Variants in SEMA6D observed in about 807,000 individuals in gnomAD.
SEMA6D encodes semaphorin-6D.
In SEMA6D, 35 loss-of-function variants were observed where a neutral mutation model predicts 106.6. The ratio of observed to expected loss-of-function variants is 0.33; its 90% CI spans 0.25 to 0.44. The LOEUF (loss-of-function observed/expected upper bound fraction) is 0.44. SEMA6D is among the 20% of genes least tolerant of loss of function. The pLI, the probability that SEMA6D is intolerant of heterozygous loss-of-function variation, is 1.00. For synonymous variants in SEMA6D, 499 were observed against 487.7 expected, an observed-to-expected ratio of 1.02 and a Z score of -0.31; for missense variants, 1,185 against 1,345.9, an observed-to-expected ratio of 0.88 and a Z score of 1.87.
intron 1 of SEMA6D, among the ~76,000 whole-genome samples, chr15:47,340,063 C>T (rs1353665873): frequency 1.3e-5 from 2 of 152,074 alleles, no homozygotes; most frequent in Non-Finnish European, 2.9e-5. Context: ...AAGTGGTTAT[C>T]TGCAGGGAAA....
At chr15:47,277,517 C>T (rs1009867319) in intron 1 of SEMA6D, among the ~76,000 whole-genome samples, 4 of 151,708 alleles carry the variant, frequency 2.6e-5, no homozygotes, top group African/African-American at 7.3e-5. Flanking sequence ...GACTGTGACT[C>T]AGTGCAGACT....
At chr15:47,634,153 G>C (rs1326922060) in intron 4 of SEMA6D, among the ~76,000 whole-genome samples, 2 of 151,994 alleles carry the variant, frequency 1.3e-5, no homozygotes, top group Non-Finnish European at 2.9e-5. Flanking sequence ...TTTTATGAAG[G>C]CTAGATCGGT....
Position 47,638,927 on chromosome 15 carries a change from G to A in SEMA6D, c.-55+38031G>A, listed in dbSNP as rs186268819. On this transcript the variant is annotated intron_variant, in intron 4 of 19. Coordinates refer to the SEMA6D transcript ENST00000558014. ...TGTAGCACTTGGTCTCAGGAAAAAG[G>A]CTGGTCCCCAGCTGCAACCACTTCT... 7.9e-5 allele frequency among the ~76,000 whole-genome samples: 12 copies of A among 152,298 alleles called. No individual in the cohort carries two copies. In the East Asian group the frequency reaches 2.1e-3, roughly 27 times the overall value.
chr15:47,402,071 T>C (rs563746775), intron 1 of SEMA6D, among the ~76,000 whole-genome samples: 1 of 152,200 alleles, frequency 6.6e-6, no homozygotes, highest in Non-Finnish European at 1.5e-5. Flanking sequence ...TAGAATGTTC[T>C]AGGGTGATGA....
chr15:47,296,067 A>G (rs1253026437), intron 1 of SEMA6D, among the ~76,000 whole-genome samples: 5 of 152,210 alleles, frequency 3.3e-5, no homozygotes, highest in African/African-American at 1.2e-4. Context: ...TTCTGATGTA[A>G]TCAGAATATA....
chr15:47,197,843 T>C (rs1305663437), intron 1 of SEMA6D, among the ~76,000 whole-genome samples: 1 of 152,184 alleles, frequency 6.6e-6, no homozygotes, highest in Non-Finnish European at 1.5e-5. Context: ...CTAAGTATTA[T>C]TGTTTATATT....
At chr15:47,557,809 G>C (rs1222644809) in intron 3 of SEMA6D, among the ~76,000 whole-genome samples, 1 of 152,108 alleles carries the variant, frequency 6.6e-6, no homozygotes, top group Non-Finnish European at 1.5e-5. Flanking sequence ...TGTTGGGTCT[G>C]GTAACTCTGC....
intron 4 of SEMA6D, among the ~76,000 whole-genome samples, chr15:47,629,432 T>G (rs2077257601): frequency 6.6e-6 from 1 of 151,934 alleles, no homozygotes; most frequent in South Asian, 2.1e-4. Flanking sequence ...AGATTTAAGG[T>G]TTTTTTCTCC....
At chr15:47,628,219 A>G (rs1486398060) in intron 4 of SEMA6D, among the ~76,000 whole-genome samples, 2 of 152,196 alleles carry the variant, frequency 1.3e-5, no homozygotes, top group Admixed American at 1.3e-4. Flanking sequence ...AGATAAAACT[A>G]TTATGGGCAT....
At chr15:47,359,402 A>C (rs1247873205) in intron 1 of SEMA6D, 1 of 152,184 alleles carries the variant, frequency 6.6e-6, no homozygotes, top group East Asian at 1.9e-4. Context: ...AATAAGTGTA[A>C]AACTCTTAGA....
rs1555431213 is a variant in SEMA6D, at chr15:47,772,353, T to TGC, written c.*569_*570insCG. On this transcript the variant is annotated 3_prime_UTR_variant, in exon 19 of 19. Coordinates refer to ENST00000536845, the MANE Select transcript of SEMA6D (RefSeq NM_001358351.3). ...ATGCCACCAACAAACTTGTTGTGTG[T>TGC]GTGCGTGTGTGTGTGTGTGTGTGTG... is the stretch of plus-strand genomic sequence containing the variant. 9 of 129,224 alleles carry TGC rather than the reference T, an allele frequency of 7.0e-5. No homozygotes were observed. Among genetic ancestry groups the TGC allele is most frequent in the Non-Finnish European group, 1.1e-4 (7 of 63,010 alleles). 8.0% of individuals were successfully genotyped at this position (129,224 alleles called of 1,614,324 possible). A position where few individuals can be genotyped will look rare whatever the true frequency, so the allele number is the denominator to read the frequency against.
chr15:47,218,567 A>G (rs1249548563), intron 1 of SEMA6D, among the ~76,000 whole-genome samples: 2 of 152,210 alleles, frequency 1.3e-5, no homozygotes, highest in Admixed American at 6.5e-5. Flanking sequence ...CATTTTGCCT[A>G]TTATCTACAA....
chr15:47,386,291 T>C (rs2039837567), intron 1 of SEMA6D, among the ~76,000 whole-genome samples: 1 of 151,976 alleles, frequency 6.6e-6, no homozygotes, highest in African/African-American at 2.4e-5. Context: ...GAATCAATTA[T>C]TGCACCATGG....
intron 4 of SEMA6D, among the ~76,000 whole-genome samples, chr15:47,641,491 A>G (rs997061260): frequency 5.9e-5 from 9 of 152,144 alleles, no homozygotes; most frequent in African/African-American, 1.9e-4. Flanking sequence ...TGCTTAGGGA[A>G]GTACCTGGAG....
intron 1 of SEMA6D, among the ~76,000 whole-genome samples, chr15:47,757,406 C>T (rs1344187126): frequency 2.0e-5 from 3 of 152,142 alleles, no homozygotes; most frequent in African/African-American, 2.4e-5. Flanking sequence ...CTTAAGGCAA[C>T]ATTTTATACT....
intron 1 of SEMA6D, among the ~76,000 whole-genome samples, chr15:47,296,396 T>C (rs967872743): frequency 1.5e-4 from 23 of 152,098 alleles, no homozygotes; most frequent in African/African-American, 5.6e-4. Context: ...TTATGAAAAA[T>C]CAATACAACA....
chr15:47,510,796 A>G lies in SEMA6D; in HGVS notation c.-87+40251A>G, dbSNP rs75935209. Among the ~76,000 whole-genome samples, 1,353 of 152,222 alleles carry G rather than the reference A, an allele frequency of 8.9e-3. 20 individuals are homozygous for G. Among genetic ancestry groups the G allele is most frequent in the African/African-American group, 0.031 (1,291 of 41,512 alleles). On this transcript the variant is annotated intron_variant, in intron 3 of 19. Coordinates refer to the SEMA6D transcript ENST00000558014. Reference sequence around the variant, plus strand: ...CAGGGAGTGTCAGTGGGCCTGGAAGAATGATGATGCTTTTCCTTGAACGGG... The same window carrying G: ...CAGGGAGTGTCAGTGGGCCTGGAAGGATGATGATGCTTTTCCTTGAACGGG...
At chr15:47,369,713 A>G (rs528389805) in intron 1 of SEMA6D, among the ~76,000 whole-genome samples, 1 of 152,218 alleles carries the variant, frequency 6.6e-6, no homozygotes, top group East Asian at 1.9e-4. Flanking sequence ...TACGTTATTG[A>G]CATAAGAATA....
chr15:47,548,027 A>G (rs968348267), intron 3 of SEMA6D, among the ~76,000 whole-genome samples: 2 of 152,112 alleles, frequency 1.3e-5, no homozygotes, highest in Admixed American at 1.3e-4. Flanking sequence ...CCTTGATCCA[A>G]TGGTATCCCT....
Sources: gnomAD v4.1 joint callset for allele counts (sites outside exome capture counted in the v4.1 genomes callset) on GRCh38, gnomAD v4.1.1 for gene constraint, MANE v1.5 for transcripts, NCBI Gene and HGNC (gene_info 2026-07-23, HGNC 2026-07-21) for gene names.